Variants in DCDC1 observed in about 807,000 individuals in gnomAD.
The protein encoded by DCDC1 is doublecortin domain containing 1, also known as doublecortin domain-containing protein 1.
DCDC1 carries 200 observed loss-of-function variants against 178.3 expected under a neutral mutation model. That is an observed-to-expected ratio of 1.12 (90% CI 1.00 to 1.26). The LOEUF (loss-of-function observed/expected upper bound fraction) is 1.26. Ranked by LOEUF, DCDC1 falls within the 50% of genes most tolerant of loss-of-function variation. The pLI, the probability that DCDC1 is intolerant of heterozygous loss-of-function variation, is 0.00. For missense variants in DCDC1, 1,983 were observed against 1,749.2 expected (o/e 1.13, Z -2.38); for synonymous variants, 690 against 604.8 (o/e 1.14, Z -2.07).
intron 9 of DCDC1, among the ~76,000 whole-genome samples, chr11:31,226,913 C>T (rs1975043048): frequency 6.6e-6 from 1 of 151,678 alleles, no homozygotes; most frequent in Non-Finnish European, 1.5e-5. Flanking sequence ...ACAAGATTTT[C>T]TGGGGAAAAT....
chr11:31,334,163 A>G (rs1454237783), intron 2 of DCDC1, among the ~76,000 whole-genome samples: 1 of 152,090 alleles, frequency 6.6e-6, no homozygotes, highest in Non-Finnish European at 1.5e-5. Context: ...CTTCTACTTG[A>G]TCAAATCAGC....
chr11:31,300,283 G>A (rs1260045501), intron 6 of DCDC1, among the ~76,000 whole-genome samples: 1 of 151,656 alleles, frequency 6.6e-6, no homozygotes, highest in East Asian at 1.9e-4. Flanking sequence ...AACAAATTTT[G>A]TTGTTGTTGT....
At chr11:30,969,092 C>T (rs1554987301) in intron 20 of DCDC1, among the ~76,000 whole-genome samples, 2 of 151,944 alleles carry the variant, frequency 1.3e-5, no homozygotes, top group Non-Finnish European at 2.9e-5. Flanking sequence ...ATTTACAAAA[C>T]AAAGAGTTGA....
intron 7 of DCDC1, among the ~76,000 whole-genome samples, chr11:31,286,935 A>G (rs1356712219): frequency 6.6e-6 from 1 of 152,040 alleles, no homozygotes; most frequent in African/African-American, 2.4e-5. Flanking sequence ...CCACTTGGCT[A>G]GTACATTGCT....
At chr11:31,103,267 C>T (rs1958623836) in intron 14 of DCDC1, among the ~76,000 whole-genome samples, 1 of 152,116 alleles carries the variant, frequency 6.6e-6, no homozygotes, top group South Asian at 2.1e-4. Flanking sequence ...AATGTATCAT[C>T]ATCAGATAAG....
rs536581855 is a variant in DCDC1 at position 30,894,988 on chromosome 11, A to G, written c.4766-604T>C. ...TCTAAAGAATCACAGGCACAATTTA[A>G]TAAGTGTGGTGATTCCAATTTATGT... is the stretch of plus-strand genomic sequence containing the variant. On this transcript the variant is annotated intron_variant, in intron 34 of 38. Coordinates refer to ENST00000684477, the MANE Select transcript of DCDC1 (RefSeq NM_001387274.1). 9.2e-5 allele frequency among the ~76,000 whole-genome samples: 14 copies of G among 152,344 alleles called. No individual in the cohort carries two copies. The East Asian group carries it at 1.7e-3, about 19-fold the overall frequency.
intron 9 of DCDC1, among the ~76,000 whole-genome samples, chr11:31,179,362 G>A (rs1399832310): frequency 2.6e-5 from 4 of 152,092 alleles, no homozygotes; most frequent in African/African-American, 9.7e-5. Context: ...CTATGTCCAA[G>A]ACAATCTGTA....
chr11:31,110,424 T>C (rs1180192295), intron 11 of DCDC1, 63 bp from the exon 12 acceptor site: 3 of 634,964 alleles, frequency 4.7e-6, no homozygotes, highest in African/African-American at 3.6e-5. Context: ...CATATATTCA[T>C]ACATACTTAG....
At chr11:30,983,479 A>G (rs780287332) in intron 20 of DCDC1, among the ~76,000 whole-genome samples, 2 of 152,238 alleles carry the variant, frequency 1.3e-5, no homozygotes, top group Non-Finnish European at 2.9e-5. Context: ...CTAAATTCAT[A>G]TAACTTTTAC....
intron 2 of DCDC1, among the ~76,000 whole-genome samples, chr11:31,329,394 A>AT (rs143152351): frequency 1.6e-3 from 239 of 151,380 alleles, no homozygotes; most frequent in Non-Finnish European, 2.6e-3. Context: ...GGGATTTTCC[A>AT]TTTTTTTTTA....
intron 21 of DCDC1, among the ~76,000 whole-genome samples, chr11:30,942,485 C>G (rs1947721525): frequency 6.6e-6 from 1 of 152,126 alleles, no homozygotes; most frequent in African/African-American, 2.4e-5. Context: ...TAATATATCT[C>G]TTTCTTTCTG....
intron 20 of DCDC1, among the ~76,000 whole-genome samples, chr11:30,956,733 T>C (rs1948794440): frequency 6.6e-6 from 1 of 152,190 alleles, no homozygotes; most frequent in African/African-American, 2.4e-5. Flanking sequence ...TTTAGGATAA[T>C]AAAGAAGTCA....
At position 30,885,067 on chromosome 11, in the gene DCDC1, A is replaced by C. The variant is rs140652951; in HGVS notation, c.5083-3759T>G. ...ATCTATATAATTTAAAAAGTAATACATACTTTACATAACTTAAAAGCAGAA... is the reference window on the plus strand; with the variant it reads ...ATCTATATAATTTAAAAAGTAATACCTACTTTACATAACTTAAAAGCAGAA... On this transcript the variant is annotated intron_variant, in intron 36 of 38. Transcript: ENST00000684477. Among the ~76,000 whole-genome samples the C allele has an allele frequency of 6.8e-4, 104 of 152,142 alleles. 1 individual carries two copies. Among genetic ancestry groups the C allele is most frequent in the East Asian group, 5.6e-3 (29 of 5,190 alleles).
intron 7 of DCDC1, among the ~76,000 whole-genome samples, chr11:31,278,402 T>A (rs1368926532): frequency 6.6e-6 from 1 of 152,086 alleles, no homozygotes; most frequent in East Asian, 1.9e-4. Context: ...TTAAGTGAAA[T>A]AAGCCAGGCA....
At position 30,884,328 on chromosome 11, in the gene DCDC1, G is replaced by T. The variant is rs200282106; in HGVS notation, c.5083-3020C>A. On this transcript the variant is annotated intron_variant, in intron 36 of 38. Coordinates refer to ENST00000684477, the MANE Select transcript of DCDC1 (RefSeq NM_001387274.1). ...TTACAGGCATGGGCCAATATACTCGGCCTTCTTTCTTATCATTCATGAAGA... is the reference window on the plus strand; with the variant it reads ...TTACAGGCATGGGCCAATATACTCGTCCTTCTTTCTTATCATTCATGAAGA... Among the ~76,000 whole-genome samples the T allele has an allele frequency of 2.0e-5, 3 of 152,040 alleles. No homozygotes were observed. The East Asian group carries it at 5.8e-4, about 29-fold the overall frequency.
At chr11:31,017,309 G>A (rs561662433) in intron 20 of DCDC1, among the ~76,000 whole-genome samples, 1 of 152,206 alleles carries the variant, frequency 6.6e-6, no homozygotes, top group South Asian at 2.1e-4. Context: ...CACTCAACAT[G>A]AAGATACTCA....
At chr11:31,175,144 A>G (rs1447835235) in intron 9 of DCDC1, among the ~76,000 whole-genome samples, 1 of 152,240 alleles carries the variant, frequency 6.6e-6, no homozygotes, top group Non-Finnish European at 1.5e-5. Context: ...GGTGTCTGGC[A>G]TCTCCGAGCT....
intron 8 of DCDC1, among the ~76,000 whole-genome samples, chr11:31,259,776 T>C (rs1464626229): frequency 6.6e-6 from 1 of 152,194 alleles, no homozygotes; most frequent in East Asian, 1.9e-4. Context: ...TCATAGAGCC[T>C]GGTCAACAGC....
At chr11:31,106,367 G>A (rs1958842382) in intron 13 of DCDC1, among the ~76,000 whole-genome samples, 1 of 152,150 alleles carries the variant, frequency 6.6e-6, no homozygotes, top group Admixed American at 6.5e-5. Flanking sequence ...CATAAATCTT[G>A]CTTAAGATCC....
Sources: gnomAD v4.1 joint callset for allele counts (sites outside exome capture counted in the v4.1 genomes callset) on GRCh38, gnomAD v4.1.1 for gene constraint, MANE v1.5 for transcripts, NCBI Gene and HGNC (gene_info 2026-07-23, HGNC 2026-07-21) for gene names.